The following METTL22 variants were observed in gnomAD, a reference collection of about 807,000 sequenced individuals.
METTL22 encodes methyltransferase 22, Kin17 lysine.
A neutral mutation model predicts 48.4 loss-of-function variants in METTL22; 51 were observed. The ratio of observed to expected loss-of-function variants is 1.05; its 90% CI spans 0.84 to 1.33. The LOEUF (loss-of-function observed/expected upper bound fraction) is 1.33, where lower values mean the gene tolerates loss of function less well. METTL22 is among the 40% of genes most tolerant of loss of function. The pLI is 0.00. For missense variants in METTL22, 678 were observed against 526.9 expected (o/e 1.29, Z -2.81); for synonymous variants, 255 against 214.1 (o/e 1.19, Z -1.67).
intron 2 of METTL22, 124 bp from the exon 3 acceptor site, chr16:8,628,606 G>A (rs11646871): frequency 2.3e-6 from 3 of 1,313,048 alleles, no homozygotes; most frequent in East Asian, 2.5e-5. Flanking sequence ...GCTGGCATTA[G>A]TATATCTCTA....
At chr16:8,641,956 G>T (rs4985091) in intron 7 of METTL22, 171 bp from the exon 8 acceptor site, 1 of 636,328 alleles carries the variant, frequency 1.6e-6, no homozygotes, top group Non-Finnish European at 2.9e-6. Context: ...CTCTGCACCC[G>T]GGCAGCAGTG....
At chr16:8,665,787 G>A in the METTL22 span, among the ~76,000 whole-genome samples, 1 of 152,230 alleles carries the variant, frequency 6.6e-6, no homozygotes, top group African/African-American at 2.4e-5. Context: ...GCCAGGCGGA[G>A]ACACCCCTGG....
At chr16:8,632,941 AG>A (rs1242412819) in intron 3 of METTL22, among the ~76,000 whole-genome samples, 1 of 152,164 alleles carries the variant, frequency 6.6e-6, no homozygotes, top group East Asian at 1.9e-4. Context: ...CATAGGACCA[AG>A]ATCACTATGA....
chr16:8,626,083 A>T (rs534319494), intron 2 of METTL22, among the ~76,000 whole-genome samples: 3 of 151,900 alleles, frequency 2.0e-5, no homozygotes, highest in African/African-American at 7.3e-5. Flanking sequence ...TGCAGCCTCA[A>T]ACTCCTGGAC....
At chr16:8,624,683 T>A (rs148330085) in intron 1 of METTL22, among the ~76,000 whole-genome samples, 5 of 151,912 alleles carry the variant, frequency 3.3e-5, no homozygotes, top group Admixed American at 3.3e-4. Context: ...CTGGGAAACA[T>A]AGTGAGACCC....
the METTL22 span, among the ~76,000 whole-genome samples, chr16:8,664,486 C>T: frequency 1.3e-5 from 2 of 151,752 alleles, no homozygotes; most frequent in East Asian, 3.9e-4. Context: ...TGGGGTCTTG[C>T]TCTGCCACCC....
chr16:8,658,045 G>T, the METTL22 span, among the ~76,000 whole-genome samples: 1 of 152,132 alleles, frequency 6.6e-6, no homozygotes, highest in Admixed American at 6.5e-5. Context: ...TCAAACTCCC[G>T]AGTTCAAGCA....
intron 5 of METTL22, among the ~76,000 whole-genome samples, chr16:8,638,693 C>T (rs1451948089): frequency 6.6e-6 from 1 of 152,196 alleles, no homozygotes; most frequent in Admixed American, 6.5e-5. Context: ...CAAATCCCAA[C>T]TCTTGCTCTC....
At chr16:8,631,551 T>C (rs1220385333) in intron 3 of METTL22, 2 of 152,224 alleles carry the variant, frequency 1.3e-5, no homozygotes, top group African/African-American at 4.8e-5. Flanking sequence ...GCGTAATGCC[T>C]GGCACGGATT....
Position 8,646,273 on chromosome 16 carries a change from G to T in METTL22, c.*130G>T. ...AAATATGGTTACACGTACCTTAGAT[G>T]ACCCAAGATGGTTTTCTGGGGTCTG... On this transcript the variant is annotated 3_prime_UTR_variant, in exon 11 of 11. Transcript: ENST00000381920. 1 of 1,189,300 alleles carries T rather than the reference G, an allele frequency of 8.4e-7. No homozygotes were observed. The highest frequency in any genetic ancestry group is 1.2e-6 in the Non-Finnish European group (1 of 818,466). The allele number at this position is 1,189,300 out of a possible 1,614,324, so 73.7% of individuals were successfully genotyped here.
chr16:8,642,664 C>A, intron 9 of METTL22, 99 bp downstream of exon 9: 3 of 1,143,520 alleles, frequency 2.6e-6, no homozygotes, highest in South Asian at 1.2e-5. Context: ...GATTGTTACT[C>A]AGTGCCACTT....
intron 2 of METTL22, among the ~76,000 whole-genome samples, chr16:8,628,037 C>G (rs1400879462): frequency 2.0e-5 from 3 of 152,124 alleles, no homozygotes; most frequent in East Asian, 3.9e-4. Context: ...CATGCCCAGC[C>G]AAAAAACTTT....
chr16:8,657,820 C>CTTTTTTTTTTTTTTTTTT, the METTL22 span, among the ~76,000 whole-genome samples: 455 of 137,082 alleles, frequency 3.3e-3, 19 homozygotes, highest in African/African-American at 7.9e-3. Context: ...CTTTTCTTTT[C>CTTTTTTTTTTTTTTTTTT]TTTCTTTTTT....
At chr16:8,660,840 GGGAGGAGGGGGAGGAGGAAGAGGAGGA>G in the METTL22 span, among the ~76,000 whole-genome samples, 1 of 4,320 alleles carries the variant, frequency 2.3e-4, no homozygotes, top group African/African-American at 3.9e-4. Context: ...GGGGAGGAGG[GGGAGGAGGGGGAGGAGGAAGAGGAGGA>G]GGAGGAGGAA....
rs1248264715 is a variant in METTL22, at chr16:8,648,518, T to G, written c.*2375T>G. 1 of 152,094 alleles carries G rather than the reference T, an allele frequency of 6.6e-6. No individual in the cohort carries two copies. Among genetic ancestry groups the G allele is most frequent in the Non-Finnish European group, 1.5e-5 (1 of 68,144 alleles). The allele number at this position is 152,094 out of a possible 1,614,324, so 9.4% of individuals were successfully genotyped here. On this transcript the variant is annotated 3_prime_UTR_variant, in exon 11 of 11. Coordinates refer to ENST00000381920, the MANE Select transcript of METTL22 (RefSeq NM_024109.4). ...GGCTCATGCCTGTAATCCCAGCTAC[T>G]TGGGAGGCTGAGGCAGGAGAATCAC... is the stretch of plus-strand genomic sequence containing the variant.
At chr16:8,664,299 C>A in the METTL22 span, among the ~76,000 whole-genome samples, 1 of 151,888 alleles carries the variant, frequency 6.6e-6, no homozygotes, top group Non-Finnish European at 1.5e-5. Context: ...ACCTGTGACA[C>A]CATGCCCAGC....
At chr16:8,643,899 C>T (rs1286668304) in intron 9 of METTL22, among the ~76,000 whole-genome samples, 1 of 152,168 alleles carries the variant, frequency 6.6e-6, no homozygotes, top group Non-Finnish European at 1.5e-5. Context: ...CAGGTGGGAG[C>T]CACCACGCCC....
At chr16:8,654,386 G>A (rs1357533640), downstream of METTL22, among the ~76,000 whole-genome samples, 2 of 152,236 alleles carry the variant, frequency 1.3e-5, no homozygotes, top group Non-Finnish European at 2.9e-5. Context: ...ATACCACATG[G>A]TTAACCTTGA....
At chr16:8,663,441 C>G in the METTL22 span, among the ~76,000 whole-genome samples, 1 of 152,048 alleles carries the variant, frequency 6.6e-6, no homozygotes, top group Admixed American at 6.6e-5. Context: ...ATCAGTCAAG[C>G]TCTCGAGTGC....
Sources: allele counts gnomAD v4.1 joint callset (sites outside exome capture counted in the v4.1 genomes callset), GRCh38; gene constraint gnomAD v4.1.1; transcripts MANE v1.5; gene names NCBI Gene and HGNC (gene_info 2026-07-23, HGNC 2026-07-21).